Variants in MICU3 observed in about 807,000 individuals in gnomAD.
MICU3 encodes calcium uptake protein 3, mitochondrial.
MICU3 carries 62 observed loss-of-function variants against 66.5 expected under a neutral mutation model. The observed-to-expected ratio is 0.93, with a 90% confidence interval of 0.76 to 1.15. The LOEUF is 1.15. Among genes scored for constraint, MICU3 ranks in the 50% most tolerant of loss-of-function variants. MICU3 has a pLI of 0.00. For synonymous variants in MICU3, 308 were observed against 240.7 expected, an observed-to-expected ratio of 1.28 and a Z score of -2.59; for missense variants, 779 against 664.4, an observed-to-expected ratio of 1.17 and a Z score of -1.90.
At position 17,105,540 on chromosome 8, in the gene MICU3, T is replaced by A; in HGVS notation, c.1213T>A (p.Ser405Thr). The A allele has an allele frequency of 6.4e-7, 1 of 1,564,718 alleles. No individual in the cohort carries two copies. The highest frequency in any genetic ancestry group is 8.7e-7 in the Non-Finnish European group (1 of 1,152,654). The change falls in exon 11 of 15, where the codon TCA (serine) becomes ACA (threonine). Residue 405 changes from serine to threonine, a missense_variant. Coordinates refer to ENST00000318063, the MANE Select transcript of MICU3 (RefSeq NM_181723.3). ...ACGATATACAAATGTGGAAAATACA[T>A]CAGTATTTTTAGAAAATGTGCGTTA... ...LLRYTNVENTSVFLENVRYSI... is the reference protein window; with the variant it reads ...LLRYTNVENTTVFLENVRYSI...
At chr8:17,037,069 C>T (rs1381990399) in intron 1 of MICU3, among the ~76,000 whole-genome samples, 1 of 152,220 alleles carries the variant, frequency 6.6e-6, no homozygotes, top group Non-Finnish European at 1.5e-5. Flanking sequence ...GGTGCTAAGT[C>T]CCTCACTGCC....
At chr8:17,067,049 C>A (rs555756895) in intron 2 of MICU3, among the ~76,000 whole-genome samples, 3 of 152,076 alleles carry the variant, frequency 2.0e-5, no homozygotes, top group Non-Finnish European at 4.4e-5. Flanking sequence ...TATTTTACAA[C>A]CACAACTTCA....
At chr8:17,038,091 T>C (rs900264394) in intron 1 of MICU3, among the ~76,000 whole-genome samples, 1 of 152,178 alleles carries the variant, frequency 6.6e-6, no homozygotes, top group Non-Finnish European at 1.5e-5. Flanking sequence ...TTTTGGACTG[T>C]GGACTTTTGA....
chr8:17,107,815 A>G lies in MICU3; in HGVS notation c.1257+2231A>G, dbSNP rs1453593894. ...AGCAAATATTCAACAAGTATTGACA[A>G]TCAACTGTGACACTCAGATGTGGTC... On this transcript the variant is annotated intron_variant, in intron 11 of 14. Coordinates refer to ENST00000318063, the MANE Select transcript of MICU3 (RefSeq NM_181723.3). 2.0e-5 allele frequency among the ~76,000 whole-genome samples: 3 copies of G among 152,204 alleles called. No individual in the cohort carries two copies. The East Asian group carries it at 5.8e-4, about 29-fold the overall frequency.
rs757144737 is a variant in MICU3, at chr8:17,114,116, G to T, written c.1281G>T (p.Arg427Ser). Residue 427 changes from arginine (R) to serine (S), a missense_variant, in exon 12 of 15, where the codon AGG becomes AGT. Arg to Ser is a moderately radical substitution (Grantham distance 110). Coordinates refer to ENST00000318063, the MANE Select transcript of MICU3 (RefSeq NM_181723.3). ...EEKGITFDEF[R>S]SFFQFLNNLE... ...AGGGCATCACATTTGATGAATTCAGGTCATTTTTCCAGTTTTTAAACAACC... is the reference window on the plus strand; with the variant it reads ...AGGGCATCACATTTGATGAATTCAGTTCATTTTTCCAGTTTTTAAACAACC... 6.8e-6 allele frequency: 11 copies of T among 1,610,702 alleles called. No individual in the cohort carries two copies. The highest frequency in any genetic ancestry group is 2.2e-5 in the East Asian group (1 of 44,774).
chr8:17,108,664 C>G (rs2150820695), intron 11 of MICU3, among the ~76,000 whole-genome samples: 1 of 152,292 alleles, frequency 6.6e-6, no homozygotes, highest in South Asian at 2.1e-4. Flanking sequence ...AGAAACCATT[C>G]TGTCTTGCCT....
chr8:17,093,413 C>G (rs1342151141), intron 8 of MICU3, among the ~76,000 whole-genome samples: 1 of 151,822 alleles, frequency 6.6e-6, no homozygotes, highest in East Asian at 1.9e-4. Flanking sequence ...TATCAATATT[C>G]TTAAATCATC....
chr8:17,034,606 T>C (rs950163814), intron 1 of MICU3, among the ~76,000 whole-genome samples: 1 of 152,178 alleles, frequency 6.6e-6, no homozygotes, highest in Non-Finnish European at 1.5e-5. Context: ...AGTAGGAGTT[T>C]GGAAAAGTTA....
the MICU3 span, among the ~76,000 whole-genome samples, chr8:17,134,896 A>T: frequency 6.6e-6 from 1 of 152,240 alleles, no homozygotes; most frequent in Non-Finnish European, 1.5e-5. Context: ...TTTGTCAAGT[A>T]TCTGGGCACC....
At chr8:17,089,125 C>A (rs1799781123) in intron 7 of MICU3, among the ~76,000 whole-genome samples, 1 of 151,792 alleles carries the variant, frequency 6.6e-6, no homozygotes, top group Admixed American at 6.6e-5. Flanking sequence ...TCTTTGATAT[C>A]CACAGGTACC....
rs111800861 is a variant in MICU3, at chr8:17,031,262, T to TTTTTTTATTA, written c.381+3604_381+3605insTTTTATTATT. Reference sequence around the variant, plus strand: ...ATTTTAAACCTATGCTGCCACTTCATTTATTATTATTATTATTATTATTAT... The same window carrying TTTTTTTATTA: ...ATTTTAAACCTATGCTGCCACTTCATTTTTTTATTATTATTATTATTATTATTATTATTAT... On this transcript the variant is annotated intron_variant, in intron 1 of 14. Coordinates refer to ENST00000318063, the MANE Select transcript of MICU3 (RefSeq NM_181723.3). Among the ~76,000 whole-genome samples the TTTTTTTATTA allele has an allele frequency of 7.9e-5, 11 of 139,182 alleles. No individual in the cohort carries two copies. In the Middle Eastern group the frequency reaches 0.011, roughly 140 times the overall value. 91.3% of individuals were successfully genotyped at this position (139,182 alleles called of 152,430 possible).
rs936156878 is a variant in MICU3, at chr8:17,114,154, C to A, written c.1319C>A (p.Ala440Glu). 1.2e-6 allele frequency: 2 copies of A among 1,612,522 alleles called. No individual in the cohort carries two copies. Among genetic ancestry groups the A allele is most frequent in the East Asian group, 2.2e-5 (1 of 44,826 alleles). Residue 440 changes from alanine (A) to glutamate (E), a missense_variant, in exon 12 of 15, where the codon GCA becomes GAA. Physicochemically the swap from Ala to Glu is moderately radical, Grantham distance 107. Transcript: ENST00000318063. Reference protein sequence around the residue: ...FQFLNNLEDFAIALNMYNFAS... With the variant: ...FQFLNNLEDFEIALNMYNFAS... Reference sequence around the variant, plus strand: ...TTTTTAAACAACCTAGAAGACTTTGCAATAGCCCTGAATATGTATAACTTT... The same window carrying A: ...TTTTTAAACAACCTAGAAGACTTTGAAATAGCCCTGAATATGTATAACTTT...
chr8:17,067,451 G>A (rs1234223028), intron 2 of MICU3, among the ~76,000 whole-genome samples: 2 of 150,528 alleles, frequency 1.3e-5, no homozygotes, highest in South Asian at 2.1e-4. Context: ...TTTTCCCCAA[G>A]AGGAGACTCG....
the MICU3 span, among the ~76,000 whole-genome samples, chr8:17,134,426 C>A: frequency 1.4e-5 from 2 of 140,460 alleles, no homozygotes; most frequent in Non-Finnish European, 3.1e-5. Context: ...AGAAGAAAGT[C>A]AGCCTTTTGT....
chr8:17,027,506 G>A lies in MICU3; in HGVS notation c.227G>A (p.Gly76Glu). ...ELSVAAAAGG[G>E]LVGLVCYQLY... ...AGCGTGGCGGCGGCGGCCGGCGGGG[G>A]GCTGGTCGGCCTGGTATGCTACCAG... is the stretch of plus-strand genomic sequence containing the variant. The change falls in exon 1 of 15, where the codon GGG becomes GAG. Residue 76 changes from glycine to glutamate, a missense_variant. Gly to Glu is a moderately conservative substitution (Grantham distance 98). Transcript: ENST00000318063. 7.8e-7 allele frequency: 1 copy of A among 1,283,672 alleles called. No individual in the cohort carries two copies. The highest frequency in any genetic ancestry group is 3.1e-5 in the East Asian group (1 of 32,096). The allele number at this position is 1,283,672 out of a possible 1,614,324, so 79.5% of individuals were successfully genotyped here. A position where few individuals can be genotyped will look rare whatever the true frequency, so the allele number is the denominator to read the frequency against.
At chr8:17,063,139 A>G (rs1818131883) in intron 1 of MICU3, among the ~76,000 whole-genome samples, 1 of 152,128 alleles carries the variant, frequency 6.6e-6, no homozygotes, top group South Asian at 2.1e-4. Flanking sequence ...ACTGAATGAT[A>G]TATATGGTAT....
chr8:17,132,701 T>C, the MICU3 span: 4 of 152,218 alleles, frequency 2.6e-5, no homozygotes, highest in South Asian at 2.1e-4. Flanking sequence ...GTGGAAACCA[T>C]GTTCCCTTTA....
chr8:17,031,662 G>GATT (rs1812094523), intron 1 of MICU3, among the ~76,000 whole-genome samples: 1 of 152,068 alleles, frequency 6.6e-6, no homozygotes, highest in Non-Finnish European at 1.5e-5. Context: ...AAGAACTTCT[G>GATT]ATTTATAAAG....
rs185570430 is a variant in MICU3, at chr8:17,068,670, A to G, written c.536-1018A>G. 7.9e-5 allele frequency among the ~76,000 whole-genome samples: 12 copies of G among 152,310 alleles called. No individual in the cohort carries two copies. In the East Asian group the frequency reaches 1.9e-3, roughly 24 times the overall value. On this transcript the variant is annotated intron_variant, in intron 2 of 14. Transcript: ENST00000318063. ...TTGTTGCTACATAAAGAAGAAATCT[A>G]TCCTTAGAAACATATTTCTTCTCTT...
Sources: allele counts gnomAD v4.1 joint callset (sites outside exome capture counted in the v4.1 genomes callset), GRCh38; gene constraint gnomAD v4.1.1; transcripts MANE v1.5; gene names NCBI Gene and HGNC (gene_info 2026-07-23, HGNC 2026-07-21).